The following EBLN2 variants were observed in gnomAD, a reference collection of about 807,000 sequenced individuals.
EBLN2 encodes the protein endogenous Bornavirus-like nucleoprotein 2.
For missense variants in EBLN2, 397 were observed against 324.2 expected (o/e 1.22, Z -1.72); for synonymous variants, 131 against 113.6 (o/e 1.15, Z -0.97).
Position 73,062,435 on chromosome 3 carries a change from T to C in EBLN2, c.354T>C (p.His118=). 1 of 1,611,840 alleles carries C rather than the reference T, an allele frequency of 6.2e-7. No individual in the cohort carries two copies. The highest frequency in any genetic ancestry group is 1.7e-4 in the Middle Eastern group (1 of 6,050). Residue 118 remains histidine, a synonymous_variant, in exon 1 of 1, where the codon CAT becomes CAC. Transcript: ENST00000533473. The part of the protein sequence containing the change: ...KSMLDPAHKS[H]FHPVTPSLVF... The stretch of plus-strand genomic sequence containing the variant: ...TGCTAGACCCAGCACATAAATCTCA[T>C]TTCCACCCTGTGACCCCAAGTTTAG...
In EBLN2 at chr3:73,062,217, T is replaced by A. The variant is rs2231924; in HGVS notation, c.136T>A (p.Ser46Thr). 1.9e-6 allele frequency: 3 copies of A among 1,589,802 alleles called. No homozygotes were observed. Among genetic ancestry groups the A allele is most frequent in the South Asian group, 1.2e-5 (1 of 86,656 alleles). ...KIKELSRNQF[S>T]TMSHLRKDSQ... is the part of the protein sequence containing the mutation. ...TAAAGAATTAAGTCGGAACCAATTT[T>A]CCACAATGTCTCATCTAAGAAAGGA... Residue 46 changes from serine (S) to threonine (T), a missense_variant, in exon 1 of 1, where the codon TCC (serine) becomes ACC (threonine). Physicochemically the swap from Ser to Thr is moderately conservative, Grantham distance 58. Coordinates refer to ENST00000533473, the MANE Select transcript of EBLN2 (RefSeq NM_018029.4).
chr3:73,063,022 A>G lies in EBLN2; in HGVS notation c.*122A>G, dbSNP rs539089245. ...GAGATCCCAGTCTTTGAGGAGAAAA[A>G]AAACAATGGTTAAAAAGGCATTGGG... On this transcript the variant is annotated 3_prime_UTR_variant, in exon 1 of 1. Transcript: ENST00000533473. 4.2e-6 allele frequency: 4 copies of G among 945,064 alleles called. No individual in the cohort carries two copies. The highest frequency in any genetic ancestry group is 2.5e-5 in the Admixed American group (1 of 40,680). 58.5% of individuals were successfully genotyped at this position (945,064 alleles called of 1,614,324 possible).
chr3:73,062,225 G>A lies in EBLN2; in HGVS notation c.144G>A (p.Met48Ile). The part of the protein sequence containing the change: ...KELSRNQFST[M>I]SHLRKDSQPS... ...TAAGTCGGAACCAATTTTCCACAATGTCTCATCTAAGAAAGGACTCACAGC... is the reference window on the plus strand; with the variant it reads ...TAAGTCGGAACCAATTTTCCACAATATCTCATCTAAGAAAGGACTCACAGC... The change falls in exon 1 of 1, where the codon ATG becomes ATA. Residue 48 changes from methionine to isoleucine, a missense_variant. Physicochemically the swap from Met to Ile is conservative, Grantham distance 10. Coordinates refer to ENST00000533473, the MANE Select transcript of EBLN2 (RefSeq NM_018029.4). The A allele has an allele frequency of 3.1e-6, 5 of 1,596,390 alleles. No homozygotes were observed. The highest frequency in any genetic ancestry group is 4.3e-6 in the Non-Finnish European group (5 of 1,174,424).
rs1278465917 is a variant in EBLN2, at chr3:73,061,697, A to T, written c.-385A>T. The T allele has an allele frequency of 5.2e-6, 1 of 192,224 alleles. No homozygotes were observed. Among genetic ancestry groups the T allele is most frequent in the Admixed American group, 5.6e-5 (1 of 17,910 alleles). The allele number at this position is 192,224 out of a possible 1,614,324, so 11.9% of individuals were successfully genotyped here. A position where few individuals can be genotyped will look rare whatever the true frequency, so the allele number is the denominator to read the frequency against. On this transcript the variant is annotated 5_prime_UTR_variant, in exon 1 of 1. Coordinates refer to ENST00000533473, the MANE Select transcript of EBLN2 (RefSeq NM_018029.4). ...GGGAGGTTGTCCCCTGCTGAGAACC[A>T]TTGGTTTAAGGTTAATCTGGCTCTG...
Position 73,062,958 on chromosome 3 carries a change from T to G in EBLN2, c.*58T>G. ...TGCTGTGAGAATGTTTCTAGATCAG[T>G]GCATGGATGGCTCCATTGCTCTACG... On this transcript the variant is annotated 3_prime_UTR_variant, in exon 1 of 1. Transcript: ENST00000533473. 1.4e-6 allele frequency: 2 copies of G among 1,437,156 alleles called. No individual in the cohort carries two copies. The highest frequency in any genetic ancestry group is 1.2e-5 in the South Asian group (1 of 81,128). The allele number at this position is 1,437,156 out of a possible 1,614,324, so 89.0% of individuals were successfully genotyped here. A position where few individuals can be genotyped will look rare whatever the true frequency, so the allele number is the denominator to read the frequency against.
In EBLN2 at chr3:73,062,359, C is replaced by T; in HGVS notation, c.278C>T (p.Pro93Leu). Reference protein sequence around the residue: ...NRQYPLDALEPQPSIGDIKDI... With the variant: ...NRQYPLDALELQPSIGDIKDI... ...CAGTATCCACTGGATGCATTGGAAC[C>T]CCAACCCAGCATTGGGGATATTAAG... The change falls in exon 1 of 1, where the codon CCC (proline) becomes CTC (leucine). Residue 93 changes from proline (P) to leucine (L), a missense_variant. Pro to Leu is a moderately conservative substitution (Grantham distance 98, BLOSUM62 -3). Coordinates refer to ENST00000533473, the MANE Select transcript of EBLN2 (RefSeq NM_018029.4). 1 of 1,604,966 alleles carries T rather than the reference C, an allele frequency of 6.2e-7. No individual in the cohort carries two copies. Among genetic ancestry groups the T allele is most frequent in the Non-Finnish European group, 8.5e-7 (1 of 1,177,040 alleles).
chr3:73,062,308 G>A lies in EBLN2; in HGVS notation c.227G>A (p.Arg76Lys), dbSNP rs760790466. The A allele has an allele frequency of 1.2e-6, 2 of 1,606,944 alleles. No homozygotes were observed. The highest frequency in any genetic ancestry group is 1.7e-6 in the Non-Finnish European group (2 of 1,177,920). Residue 76 changes from arginine to lysine, a missense_variant, in exon 1 of 1, where the codon AGA (arginine) becomes AAA (lysine). Physicochemically the swap from Arg to Lys is conservative, Grantham distance 26. Transcript: ENST00000533473. Reference protein sequence around the residue: ...DRSGLPDLQGRFELSGKNRQY... With the variant: ...DRSGLPDLQGKFELSGKNRQY... ...AGTGGGCTCCCTGACCTTCAAGGAA[G>A]ATTTGAGCTATCTGGGAAAAACAGA... is the stretch of plus-strand genomic sequence containing the variant.
At position 73,062,074 on chromosome 3, in the gene EBLN2, G is replaced by T; in HGVS notation, c.-8G>T. ...AAGAAGTGCAGAGTCAAGTCATAGC[G>T]ACTAATAATGGGTTATTTTCTTAAA... On this transcript the variant is annotated 5_prime_UTR_variant, in exon 1 of 1. Transcript: ENST00000533473. 1.3e-6 allele frequency: 2 copies of T among 1,524,446 alleles called. No individual in the cohort carries two copies. Among genetic ancestry groups the T allele is most frequent in the South Asian group, 2.5e-5 (2 of 79,852 alleles). The allele number at this position is 1,524,446 out of a possible 1,614,324, so 94.4% of individuals were successfully genotyped here.
At position 73,063,017 on chromosome 3, in the gene EBLN2, G is replaced by GA. The variant is rs759475324; in HGVS notation, c.*125dup. 141 of 961,156 alleles carry GA rather than the reference G, an allele frequency of 1.5e-4. No individual in the cohort carries two copies. The highest frequency in any genetic ancestry group is 2.2e-4 in the Admixed American group (9 of 40,640). The allele number at this position is 961,156 out of a possible 1,614,324, so 59.5% of individuals were successfully genotyped here. A position where few individuals can be genotyped will look rare whatever the true frequency, so the allele number is the denominator to read the frequency against. On this transcript the variant is annotated 3_prime_UTR_variant, in exon 1 of 1. Transcript: ENST00000533473. ...TGTCTGAGATCCCAGTCTTTGAGGA[G>GA]AAAAAAAACAATGGTTAAAAAGGCA... is the stretch of plus-strand genomic sequence containing the variant.
rs965530747 is a variant in EBLN2, at chr3:73,061,953, A to G, written c.-129A>G. 3.1e-6 allele frequency: 2 copies of G among 638,074 alleles called. No individual in the cohort carries two copies. Among genetic ancestry groups the G allele is most frequent in the Non-Finnish European group, 2.7e-6 (1 of 371,302 alleles). The allele number at this position is 638,074 out of a possible 1,614,324, so 39.5% of individuals were successfully genotyped here. Reference sequence around the variant, plus strand: ...ATCCCATACTATATTTCTTGACAGAAAAACTATTAAAATGTATACATGATA... The same window carrying G: ...ATCCCATACTATATTTCTTGACAGAGAAACTATTAAAATGTATACATGATA... On this transcript the variant is annotated 5_prime_UTR_variant, in exon 1 of 1. Transcript: ENST00000533473.
rs1350885627 is a variant in EBLN2, at chr3:73,063,191, TTA to T, written c.*294_*295del. 1.2e-5 allele frequency: 5 copies of T among 413,692 alleles called. No individual in the cohort carries two copies. The highest frequency in any genetic ancestry group is 2.3e-5 in the Non-Finnish European group (5 of 221,592). The allele number at this position is 413,692 out of a possible 1,614,324, so 25.6% of individuals were successfully genotyped here. On this transcript the variant is annotated 3_prime_UTR_variant, in exon 1 of 1. Transcript: ENST00000533473. ...TTTTTGGGATTTAAAGCTCCTGATG[TTA>T]TACCAGGATCAACCATCACACTCCC...
In EBLN2 at chr3:73,062,363, A is replaced by C. The variant is rs768254818; in HGVS notation, c.282A>C (p.Gln94His). The stretch of plus-strand genomic sequence containing the variant: ...ATCCACTGGATGCATTGGAACCCCA[A>C]CCCAGCATTGGGGATATTAAGGACA... ...RQYPLDALEPQPSIGDIKDIK... is the reference protein window; with the variant it reads ...RQYPLDALEPHPSIGDIKDIK... Residue 94 changes from glutamine to histidine, a missense_variant, in exon 1 of 1, where the codon CAA becomes CAC. By Grantham distance (24) the Gln-to-His change is conservative (BLOSUM62 0). Transcript: ENST00000533473. 1 of 1,606,620 alleles carries C rather than the reference A, an allele frequency of 6.2e-7. No homozygotes were observed. The highest frequency in any genetic ancestry group is 1.7e-5 in the Admixed American group (1 of 57,250).
chr3:73,062,181 C>G lies in EBLN2; in HGVS notation c.100C>G (p.Leu34Val). 1 of 1,558,672 alleles carries G rather than the reference C, an allele frequency of 6.4e-7. No individual in the cohort carries two copies. The highest frequency in any genetic ancestry group is 8.7e-7 in the Non-Finnish European group (1 of 1,155,882). The stretch of plus-strand genomic sequence containing the variant: ...CAAAAGATCTTTTAGACCTATGATT[C>G]TTAACAAAATTAAAGAATTAAGTCG... ...SYKRSFRPMI[L>V]NKIKELSRNQ... The change falls in exon 1 of 1, where the codon CTT becomes GTT. Residue 34 changes from leucine (L) to valine (V), a missense_variant. By Grantham distance (32) the Leu-to-Val change is conservative. Transcript: ENST00000533473.
Position 73,062,210 on chromosome 3 carries a change from C to G in EBLN2, c.129C>G (p.Asn43Lys). 6.3e-7 allele frequency: 1 copy of G among 1,587,936 alleles called. No homozygotes were observed. Among genetic ancestry groups the G allele is most frequent in the Non-Finnish European group, 8.5e-7 (1 of 1,170,632 alleles). ...ILNKIKELSR[N>K]QFSTMSHLRK... ...ACAAAATTAAAGAATTAAGTCGGAA[C>G]CAATTTTCCACAATGTCTCATCTAA... is the stretch of plus-strand genomic sequence containing the variant. Residue 43 changes from asparagine to lysine, a missense_variant, in exon 1 of 1, where the codon AAC (asparagine) becomes AAG (lysine). Physicochemically the swap from Asn to Lys is moderately conservative, Grantham distance 94. Transcript: ENST00000533473.
Position 73,062,834 on chromosome 3 carries a change from A to G in EBLN2, c.753A>G (p.Glu251=). ...GWISSRPWVG[E]LMFTLLFGDF... ...TCAGCTCAAGACCATGGGTTGGAGA[A>G]TTAATGTTCACACTTCTATTTGGAG... Residue 251 remains glutamate (E), a synonymous_variant, in exon 1 of 1, where the codon GAA becomes GAG. Transcript: ENST00000533473. The G allele has an allele frequency of 1.2e-6, 2 of 1,613,912 alleles. No individual in the cohort carries two copies. Among genetic ancestry groups the G allele is most frequent in the Non-Finnish European group, 1.7e-6 (2 of 1,179,850 alleles).
the EBLN2 span, chr3:73,062,776 TC>T: frequency 4.3e-6 from 7 of 1,613,932 alleles, no homozygotes; most frequent in Non-Finnish European, 5.9e-6. Context: ...GATCTGCTAA[TC>T]AGCTGCAATG....
At position 73,062,397 on chromosome 3, in the gene EBLN2, G is replaced by A. The variant is rs180889188; in HGVS notation, c.316G>A (p.Ala106Thr). ...SIGDIKDIKK[A>T]AKSMLDPAHK... ...TGGGGATATTAAGGACATTAAAAAA[G>A]CAGCCAAGTCTATGCTAGACCCAGC... Residue 106 changes from alanine (A) to threonine (T), a missense_variant, in exon 1 of 1, where the codon GCA becomes ACA. Transcript: ENST00000533473. The A allele has an allele frequency of 7.4e-5, 119 of 1,607,260 alleles. No homozygotes were observed. The highest frequency in any genetic ancestry group is 9.5e-5 in the Non-Finnish European group (112 of 1,178,106).
At position 73,062,687 on chromosome 3, in the gene EBLN2, C is replaced by T; in HGVS notation, c.606C>T (p.Cys202=). The T allele has an allele frequency of 6.2e-7, 1 of 1,613,918 alleles. No homozygotes were observed. The highest frequency in any genetic ancestry group is 8.5e-7 in the Non-Finnish European group (1 of 1,179,874). Reference sequence around the variant, plus strand: ...CGGCTGGATCAAGTGATAAGATTTGCACCAGCAGTCTCCAAGTTCAGAGAC... The same window carrying T: ...CGGCTGGATCAAGTGATAAGATTTGTACCAGCAGTCTCCAAGTTCAGAGAC... ...GIAAGSSDKI[C]TSSLQVQRRF... is the part of the protein sequence containing the mutation. Residue 202 remains cysteine, a synonymous_variant, in exon 1 of 1, where the codon TGC becomes TGT. Transcript: ENST00000533473.
At position 73,062,905 on chromosome 3, in the gene EBLN2, C is replaced by T. The variant is rs1300430764; in HGVS notation, c.*5C>T. ...AAGCTACGCAAGTCAAGTTAGTTGC[C>T]AAGAAAGCACAGATGACAACCTATT... On this transcript the variant is annotated 3_prime_UTR_variant, in exon 1 of 1. Coordinates refer to ENST00000533473, the MANE Select transcript of EBLN2 (RefSeq NM_018029.4). 6.2e-7 allele frequency: 1 copy of T among 1,607,172 alleles called. No individual in the cohort carries two copies. Among genetic ancestry groups the T allele is most frequent in the Non-Finnish European group, 8.5e-7 (1 of 1,175,704 alleles).
Sources: gnomAD v4.1 joint callset for allele counts on GRCh38, gnomAD v4.1.1 for gene constraint, MANE v1.5 for transcripts, NCBI Gene and HGNC (gene_info 2026-07-23, HGNC 2026-07-21) for gene names.